The following CIB4 variants were observed in gnomAD, a reference collection of about 807,000 sequenced individuals.
The protein encoded by CIB4 is calcium and integrin-binding family member 4.
CIB4 carries 25 observed loss-of-function variants against 25.8 expected under a neutral mutation model. The observed-to-expected ratio is 0.97, with a 90% CI of 0.71 to 1.35. CIB4 has a LOEUF of 1.35. Ranked by LOEUF, CIB4 falls within the 40% of genes most tolerant of loss-of-function variation. The probability of loss-of-function intolerance (pLI) is 0.00; values close to 1 mark genes in which losing one functional copy is unlikely to be tolerated. For synonymous variants in CIB4, 75 were observed against 81.4 expected (o/e 0.92, Z 0.42); for missense variants, 235 against 228.2 (o/e 1.03, Z -0.19).
chr2:26,623,679 G>A, intron 3 of CIB4: 2 of 394,916 alleles, frequency 5.1e-6, no homozygotes, highest in East Asian at 8.0e-5. Context: ...AGCAGGGGCG[G>A]GTCTATGCGA....
At position 26,639,950 on chromosome 2, in the gene CIB4, C is replaced by T. The variant is rs552218845; in HGVS notation, c.89+583G>A. 8.5e-5 allele frequency among the ~76,000 whole-genome samples: 13 copies of T among 152,304 alleles called. No homozygotes were observed. In the East Asian group the frequency reaches 2.5e-3, roughly 29 times the overall value. On this transcript the variant is annotated intron_variant, in intron 2 of 6. Transcript: ENST00000288861. Reference sequence around the variant, plus strand: ...CACACTATTCACTCTCCCCCACAGCCCCACGAGAAGGGTATTTGGCCACCT... The same window carrying T: ...CACACTATTCACTCTCCCCCACAGCTCCACGAGAAGGGTATTTGGCCACCT...
chr2:26,612,184 G>A (rs970220915), intron 3 of CIB4, among the ~76,000 whole-genome samples: 2 of 152,208 alleles, frequency 1.3e-5, no homozygotes, highest in Admixed American at 6.5e-5. Flanking sequence ...CCCAGGCAGA[G>A]CTGAACTCCT....
intron 4 of CIB4, among the ~76,000 whole-genome samples, chr2:26,587,270 A>G (rs1668475645): frequency 7.5e-6 from 1 of 133,226 alleles, no homozygotes; most frequent in African/African-American, 2.9e-5. Context: ...ACGCCACTGC[A>G]CTCCAGCCTG....
intron 2 of CIB4, among the ~76,000 whole-genome samples, chr2:26,639,472 G>A (rs945530458): frequency 6.6e-5 from 10 of 151,594 alleles, no homozygotes; most frequent in African/African-American, 2.2e-4. Flanking sequence ...TAGCCAGGTA[G>A]CATTTTTTTT....
rs779243945 is a variant in CIB4 at position 26,641,326 on chromosome 2, CT to C, written c.-13del. 1.7e-5 allele frequency: 27 copies of C among 1,612,678 alleles called. No individual in the cohort carries two copies. In the East Asian group the frequency reaches 3.8e-4, roughly 23 times the overall value. On this transcript the variant is annotated 5_prime_UTR_variant, in exon 1 of 7. Coordinates refer to ENST00000288861, the MANE Select transcript of CIB4 (RefSeq NM_001029881.3). ...AAGCATTGCCCCATGCCAACCACAC[CT>C]TTCTGTCTGCCAGCAGTAGAACCTC...
chr2:26,619,282 G>GC (rs1266400127), intron 3 of CIB4, among the ~76,000 whole-genome samples: 1 of 152,178 alleles, frequency 6.6e-6, no homozygotes, highest in African/African-American at 2.4e-5. Flanking sequence ...GAGGTGCCTG[G>GC]CTGCTGGGCG....
At chr2:26,608,147 A>G (rs1668927309) in intron 3 of CIB4, among the ~76,000 whole-genome samples, 1 of 151,848 alleles carries the variant, frequency 6.6e-6, no homozygotes, top group Non-Finnish European at 1.5e-5. Context: ...CTGAGGCAGG[A>G]GAATCCCTTG....
Position 26,581,312 on chromosome 2 carries a change from C to G in CIB4, c.*51G>C, listed in dbSNP as rs377664452. Reference sequence around the variant, plus strand: ...GCTCCCTCCAGTGCTGGAGGGGGTTCGATTCCTGTGGTCTCCCTCGAGGCT... The same window carrying G: ...GCTCCCTCCAGTGCTGGAGGGGGTTGGATTCCTGTGGTCTCCCTCGAGGCT... On this transcript the variant is annotated 3_prime_UTR_variant, in exon 7 of 7. Coordinates refer to ENST00000288861, the MANE Select transcript of CIB4 (RefSeq NM_001029881.3). 3.3e-6 allele frequency: 5 copies of G among 1,530,700 alleles called. No homozygotes were observed. The South Asian group carries it at 4.5e-5, about 14-fold the overall frequency. 94.8% of individuals were successfully genotyped at this position (1,530,700 alleles called of 1,614,324 possible).
intron 4 of CIB4, among the ~76,000 whole-genome samples, chr2:26,592,480 TAAA>T (rs1338714168): frequency 2.0e-5 from 3 of 152,356 alleles, no homozygotes; most frequent in Admixed American, 6.5e-5. Flanking sequence ...GAGTTCACTG[TAAA>T]TCTGTGTCTT....
intron 4 of CIB4, among the ~76,000 whole-genome samples, chr2:26,587,771 T>C (rs949072511): frequency 6.6e-6 from 1 of 152,188 alleles, no homozygotes; most frequent in Non-Finnish European, 1.5e-5. Flanking sequence ...CATCACTTGA[T>C]TGCTAAACAC....
chr2:26,586,668 A>C (rs1668459357), intron 4 of CIB4, among the ~76,000 whole-genome samples: 1 of 152,188 alleles, frequency 6.6e-6, no homozygotes, highest in African/African-American at 2.4e-5. Flanking sequence ...TAAGTGATGG[A>C]GACAGGATTA....
intron 3 of CIB4, among the ~76,000 whole-genome samples, chr2:26,628,080 A>G (rs1669342710): frequency 6.6e-6 from 1 of 152,234 alleles, no homozygotes; most frequent in South Asian, 2.1e-4. Flanking sequence ...TTATTCTGCC[A>G]AGAACCGAAT....
At chr2:26,592,847 A>G (rs530475403) in intron 4 of CIB4, among the ~76,000 whole-genome samples, 7 of 151,618 alleles carry the variant, frequency 4.6e-5, no homozygotes, top group Admixed American at 2.6e-4. Context: ...CTATCTTTTC[A>G]TTTGTTATGA....
chr2:26,614,348 C>A (rs1416145296), intron 3 of CIB4, among the ~76,000 whole-genome samples: 1 of 152,142 alleles, frequency 6.6e-6, no homozygotes, highest in Non-Finnish European at 1.5e-5. Context: ...TGAGCATGTC[C>A]CCAGGCCCAC....
At chr2:26,619,434 G>A (rs1437011811) in intron 3 of CIB4, among the ~76,000 whole-genome samples, 1 of 152,144 alleles carries the variant, frequency 6.6e-6, no homozygotes, top group Non-Finnish European at 1.5e-5. Context: ...AAGATTCTAC[G>A]AGGGCAACGA....
intron 2 of CIB4, among the ~76,000 whole-genome samples, chr2:26,638,979 A>G (rs139471991): frequency 6.2e-4 from 94 of 152,172 alleles, no homozygotes; most frequent in African/African-American, 2.2e-3. Context: ...CTTAAAAAAA[A>G]AAAAGGTACA....
At chr2:26,640,341 C>T (rs1221329401) in intron 2 of CIB4, among the ~76,000 whole-genome samples, 192 bp downstream of exon 2, 1 of 152,252 alleles carries the variant, frequency 6.6e-6, no homozygotes, top group African/African-American at 2.4e-5. Context: ...TCATTCAGCT[C>T]CAGTGGGGCT....
At chr2:26,593,306 A>ATG (rs142260376) in intron 4 of CIB4, among the ~76,000 whole-genome samples, 187 of 147,626 alleles carry the variant, frequency 1.3e-3, no homozygotes, top group African/African-American at 3.7e-3. Context: ...ATGTAGAGAT[A>ATG]TGTGTGTGTG....
intron 2 of CIB4, among the ~76,000 whole-genome samples, chr2:26,629,739 C>G (rs1012120654): frequency 2.1e-4 from 32 of 152,296 alleles, no homozygotes; most frequent in South Asian, 6.2e-4. Context: ...CCAGGCACAC[C>G]ATAGAGGATG....
Sources: allele counts gnomAD v4.1 joint callset (sites outside exome capture counted in the v4.1 genomes callset), GRCh38; gene constraint gnomAD v4.1.1; transcripts MANE v1.5; gene names NCBI Gene and HGNC (gene_info 2026-07-23, HGNC 2026-07-21).